Variants in ARHGEF10L observed in about 807,000 individuals in gnomAD.
The protein encoded by ARHGEF10L is rho guanine nucleotide exchange factor 10-like protein.
In ARHGEF10L, 69 loss-of-function variants were observed where a neutral mutation model predicts 141.2. That is an observed-to-expected ratio of 0.49 (90% CI 0.40 to 0.60). The LOEUF is 0.60. ARHGEF10L is among the 20% of genes least tolerant of loss of function. The pLI is 0.00. For synonymous variants in ARHGEF10L, 711 were observed against 718.5 expected, an observed-to-expected ratio of 0.99 and a Z score of 0.17; for missense variants, 1,482 against 1,734.3, an observed-to-expected ratio of 0.85 and a Z score of 2.58.
At chr1:17,680,135 G>A (rs1205884701) in intron 26 of ARHGEF10L, among the ~76,000 whole-genome samples, 2 of 151,954 alleles carry the variant, frequency 1.3e-5, no homozygotes, top group Non-Finnish European at 1.5e-5. Context: ...GGGTTGGTTC[G>A]CTCTCTTTTC....
chr1:17,544,620 A>G (rs2076851910), intron 1 of ARHGEF10L, among the ~76,000 whole-genome samples: 1 of 152,162 alleles, frequency 6.6e-6, no homozygotes, highest in African/African-American at 2.4e-5. Context: ...ATAAAGTAAT[A>G]AATACTCAAT....
rs373920373 is a variant in ARHGEF10L, at chr1:17,614,752, A to G, written c.727-1342A>G. On this transcript the variant is annotated intron_variant, in intron 8 of 28. Coordinates refer to ENST00000361221, the MANE Select transcript of ARHGEF10L (RefSeq NM_018125.4). ...TGTCCCGTAGAAATGCAGGGCAGGC[A>G]GGGGACTTCCTTCTTTTTCCCTGCT... Among the ~76,000 whole-genome samples, 32 of 152,324 alleles carry G rather than the reference A, an allele frequency of 2.1e-4. No homozygotes were observed. The East Asian group carries it at 6.0e-3, about 29-fold the overall frequency.
the ARHGEF10L span, among the ~76,000 whole-genome samples, chr1:17,525,992 ACT>A: frequency 2.7e-5 from 4 of 145,768 alleles, no homozygotes; most frequent in Non-Finnish European, 4.5e-5. Context: ...ATAGAGTGAG[ACT>A]CTGTCTCAAA....
the ARHGEF10L span, among the ~76,000 whole-genome samples, chr1:17,533,621 C>T: frequency 6.6e-6 from 1 of 152,156 alleles, no homozygotes. Flanking sequence ...TTGACTTTAG[C>T]TTGTTTCCCC....
chr1:17,666,068 C>T (rs2062959286), intron 26 of ARHGEF10L, among the ~76,000 whole-genome samples: 1 of 152,208 alleles, frequency 6.6e-6, no homozygotes, highest in South Asian at 2.1e-4. Flanking sequence ...CTTTTCCATT[C>T]AGGCTTCAGC....
At chr1:17,601,342 T>C (rs2080665947) in intron 4 of ARHGEF10L, among the ~76,000 whole-genome samples, 1 of 152,236 alleles carries the variant, frequency 6.6e-6, no homozygotes, top group African/African-American at 2.4e-5. Context: ...CCCATTTGCA[T>C]GTCTGCTCTG....
chr1:17,528,544 CCCAT>C, the ARHGEF10L span, among the ~76,000 whole-genome samples: 7 of 151,914 alleles, frequency 4.6e-5, no homozygotes, highest in East Asian at 1.9e-4. Flanking sequence ...CATCCATCCA[CCCAT>C]CCATCCATCC....
At chr1:17,693,439 C>T (rs1033398077) in intron 27 of ARHGEF10L, among the ~76,000 whole-genome samples, 14 of 152,158 alleles carry the variant, frequency 9.2e-5, no homozygotes, top group East Asian at 3.9e-4. Flanking sequence ...TACCCCGAGT[C>T]GGTAACCTGC....
intron 4 of ARHGEF10L, among the ~76,000 whole-genome samples, chr1:17,590,303 C>T (rs145376056): frequency 8.3e-4 from 127 of 152,244 alleles, no homozygotes; most frequent in African/African-American, 2.9e-3. Context: ...CAGAGATGAT[C>T]TCTGAGCTCT....
At chr1:17,648,502 G>C in intron 21 of ARHGEF10L, 52 bp from the exon 22 acceptor site, 1 of 1,599,986 alleles carries the variant, frequency 6.3e-7, no homozygotes, top group Non-Finnish European at 8.5e-7. Context: ...TCATGGCCCA[G>C]TTGGTCCTTG....
chr1:17,515,434 T>C, the ARHGEF10L span, among the ~76,000 whole-genome samples: 1 of 151,778 alleles, frequency 6.6e-6, no homozygotes, highest in Non-Finnish European at 1.5e-5. Flanking sequence ...GCTGGGATTA[T>C]AGGCGTGGGC....
chr1:17,611,557 C>T (rs2059551436), intron 7 of ARHGEF10L, among the ~76,000 whole-genome samples: 1 of 152,004 alleles, frequency 6.6e-6, no homozygotes, highest in Admixed American at 6.5e-5. Flanking sequence ...TCCATCCATC[C>T]ATCCATCCAT....
At chr1:17,695,864 G>T (rs1035436816) in intron 28 of ARHGEF10L, among the ~76,000 whole-genome samples, 2 of 152,022 alleles carry the variant, frequency 1.3e-5, no homozygotes, top group Non-Finnish European at 2.9e-5. Context: ...CTGGGGGTGG[G>T]CTGGCTCCCT....
chr1:17,663,515 C>G (rs143103867), intron 25 of ARHGEF10L, among the ~76,000 whole-genome samples: 25 of 150,484 alleles, frequency 1.7e-4, no homozygotes, highest in African/African-American at 5.9e-4. Flanking sequence ...GACTATGCCA[C>G]TGCAATCCAG....
chr1:17,596,598 G>C (rs538671446), intron 4 of ARHGEF10L, among the ~76,000 whole-genome samples: 4 of 152,354 alleles, frequency 2.6e-5, no homozygotes, highest in African/African-American at 7.2e-5. Flanking sequence ...TCCTTAGCTT[G>C]TTCTGGTTTT....
chr1:17,686,106 C>CTTTCTTT (rs1217247937), intron 26 of ARHGEF10L, among the ~76,000 whole-genome samples: 10 of 99,382 alleles, frequency 1.0e-4, no homozygotes, highest in East Asian at 2.4e-4. Flanking sequence ...TTCTTTCTTT[C>CTTTCTTT]TTTTTTTTTT....
In ARHGEF10L at chr1:17,656,668, C is replaced by A. The variant is rs745734125; in HGVS notation, c.2820C>A (p.Gly940=). Residue 940 remains glycine, a synonymous_variant, in exon 25 of 29, where the codon GGC becomes GGA. Transcript: ENST00000361221. This position sits in a 1 kb window ranked among gnomAD's most constrained non-coding sequence, Gnocchi z 4.9. ...ACAGCCCCTTCCACCTGCTCGCTGG[C>A]CTGCAGGATGGGACCCTTGCTGCTT... The part of the protein sequence containing the change: ...LRHSPFHLLA[G]LQDGTLAAYP... 2 of 1,613,564 alleles carry A rather than the reference C, an allele frequency of 1.2e-6. No homozygotes were observed. Among genetic ancestry groups the A allele is most frequent in the East Asian group, 2.2e-5 (1 of 44,880 alleles).
intron 1 of ARHGEF10L, among the ~76,000 whole-genome samples, chr1:17,555,593 G>A (rs543555397): frequency 6.6e-6 from 1 of 152,260 alleles, no homozygotes; most frequent in South Asian, 2.1e-4. Flanking sequence ...GACCTCAGGT[G>A]ATCCACCCAC....
rs2061219764 is a variant in ARHGEF10L at position 17,639,631 on chromosome 1, G to A, written c.2172-571G>A. ...GACACTGCCCTGCCCACCTCCCAAA[G>A]GGCTGGGAAGGCCCCCACTGCTCTG... On this transcript the variant is annotated intron_variant, in intron 20 of 28. Coordinates refer to ENST00000361221, the MANE Select transcript of ARHGEF10L (RefSeq NM_018125.4). The surrounding 1 kb of genome is among the most constrained non-coding windows in gnomAD (Gnocchi z 4.3). 5 of 371,894 alleles carry A rather than the reference G, an allele frequency of 1.3e-5. No homozygotes were observed. The highest frequency in any genetic ancestry group is 2.7e-5 in the Non-Finnish European group (5 of 187,454). The allele number at this position is 371,894 out of a possible 1,614,324, so 23.0% of individuals were successfully genotyped here.
Sources: gnomAD v4.1 joint callset for allele counts (sites outside exome capture counted in the v4.1 genomes callset) on GRCh38, gnomAD v4.1.1 for gene constraint, Gnocchi (gnomAD v3.1) non-coding constraint, MANE v1.5 for transcripts, NCBI Gene and HGNC (gene_info 2026-07-23, HGNC 2026-07-21) for gene names.